Variants in SPAG16 observed in about 807,000 individuals in gnomAD.
SPAG16 encodes the protein sperm-associated antigen 16 protein.
A neutral mutation model predicts 80.4 loss-of-function variants in SPAG16; 86 were observed. The ratio of observed to expected loss-of-function variants is 1.07; its 90% CI spans 0.90 to 1.28. The LOEUF is 1.28. Among genes scored for constraint, SPAG16 ranks in the 50% most tolerant of loss-of-function variants. The pLI is 0.00. For missense variants in SPAG16, 870 were observed against 765.3 expected (o/e 1.14, Z -1.61); for synonymous variants, 294 against 265.9 (o/e 1.11, Z -1.03).
chr2:213,849,001 G>C (rs749937637), intron 10 of SPAG16, among the ~76,000 whole-genome samples: 1 of 152,008 alleles, frequency 6.6e-6, no homozygotes, highest in Non-Finnish European at 1.5e-5. Flanking sequence ...AACCTTATGG[G>C]TTTGTGTTGC....
At chr2:214,212,222 G>A (rs1444192036) in intron 15 of SPAG16, among the ~76,000 whole-genome samples, 2 of 151,732 alleles carry the variant, frequency 1.3e-5, no homozygotes, top group African/African-American at 4.8e-5. Context: ...CTGTCTTGCT[G>A]TTCCTCAGAC....
intron 10 of SPAG16, among the ~76,000 whole-genome samples, chr2:213,685,647 G>C (rs1559375321): frequency 6.6e-6 from 1 of 152,226 alleles, no homozygotes; most frequent in Non-Finnish European, 1.5e-5. Flanking sequence ...TCTGAAGAGA[G>C]GATAGAACAA....
At chr2:213,743,501 T>C (rs1370638224) in intron 10 of SPAG16, among the ~76,000 whole-genome samples, 1 of 143,260 alleles carries the variant, frequency 7.0e-6, no homozygotes, top group African/African-American at 2.5e-5. Context: ...TCTTATTTCA[T>C]CCTAAAAAAT....
At chr2:213,949,179 T>TTTTTTTTTG (rs1553677666) in intron 12 of SPAG16, among the ~76,000 whole-genome samples, 1 of 36,244 alleles carries the variant, frequency 2.8e-5, no homozygotes, top group Non-Finnish European at 5.5e-5. Context: ...GTTTTTTTTT[T>TTTTTTTTTG]TTTTTTTTTT....
chr2:214,369,067 T>C (rs567611486), intron 15 of SPAG16, among the ~76,000 whole-genome samples: 3 of 152,218 alleles, frequency 2.0e-5, no homozygotes, highest in Non-Finnish European at 2.9e-5. Context: ...TGTATATATA[T>C]ATTCTCATTT....
intron 10 of SPAG16, among the ~76,000 whole-genome samples, chr2:213,553,844 G>A (rs2059337162): frequency 6.6e-6 from 1 of 152,100 alleles, no homozygotes; most frequent in Middle Eastern, 3.2e-3. Context: ...TCTAACCTCA[G>A]GGCCATTTTA....
At chr2:214,363,999 TA>T (rs1249135356) in intron 15 of SPAG16, among the ~76,000 whole-genome samples, 2 of 152,110 alleles carry the variant, frequency 1.3e-5, no homozygotes, top group African/African-American at 4.8e-5. Context: ...GGCTCCGTTT[TA>T]CAACCCAGAC....
chr2:214,058,763 C>T (rs147139880), intron 13 of SPAG16, among the ~76,000 whole-genome samples: 1 of 152,046 alleles, frequency 6.6e-6, no homozygotes, highest in Non-Finnish European at 1.5e-5. Context: ...GGAAAACAAA[C>T]AATATATTTA....
intron 11 of SPAG16, among the ~76,000 whole-genome samples, chr2:213,895,873 G>C (rs1387406480): frequency 6.6e-6 from 1 of 151,830 alleles, no homozygotes; most frequent in East Asian, 1.9e-4. Context: ...TCTGGACAAA[G>C]ATTTTGTGTT....
At chr2:213,774,393 A>G (rs531423366) in intron 10 of SPAG16, among the ~76,000 whole-genome samples, 1 of 152,192 alleles carries the variant, frequency 6.6e-6, no homozygotes, top group South Asian at 2.1e-4. Context: ...TGTCTTGTAG[A>G]TGCATCACTC....
At chr2:213,305,056 A>C (rs1235361261) in intron 3 of SPAG16, among the ~76,000 whole-genome samples, 1 of 152,078 alleles carries the variant, frequency 6.6e-6, no homozygotes, top group African/African-American at 2.4e-5. Context: ...TTCTTTCATC[A>C]GTATTTTATA....
chr2:214,047,477 G>A (rs889344288), intron 13 of SPAG16, among the ~76,000 whole-genome samples: 2 of 152,052 alleles, frequency 1.3e-5, no homozygotes, highest in East Asian at 1.9e-4. Context: ...TGCTGGAAAA[G>A]CAGGATATCC....
intron 15 of SPAG16, among the ~76,000 whole-genome samples, chr2:214,337,310 A>G (rs1273370644): frequency 6.6e-6 from 1 of 152,222 alleles, no homozygotes; most frequent in Admixed American, 6.5e-5. Context: ...TCCACTCCCT[A>G]GAATCTTAAC....
chr2:214,389,120 T>C (rs1700922173), intron 15 of SPAG16, among the ~76,000 whole-genome samples: 1 of 152,274 alleles, frequency 6.6e-6, no homozygotes, highest in East Asian at 1.9e-4. Flanking sequence ...CAAAGGCATA[T>C]GTAACCCACA....
chr2:213,581,640 A>G (rs1013376280), intron 10 of SPAG16, among the ~76,000 whole-genome samples: 8 of 152,154 alleles, frequency 5.3e-5, no homozygotes, highest in Non-Finnish European at 1.0e-4. Flanking sequence ...CATTCCCAGT[A>G]CAATTAGAGC....
At chr2:213,820,610 T>G (rs1266131334) in intron 10 of SPAG16, among the ~76,000 whole-genome samples, 1 of 152,152 alleles carries the variant, frequency 6.6e-6, no homozygotes, top group Non-Finnish European at 1.5e-5. Context: ...ATTTTATGTC[T>G]GCATTTGTTT....
intron 15 of SPAG16, among the ~76,000 whole-genome samples, chr2:214,251,965 T>C (rs1690322108): frequency 6.6e-6 from 1 of 152,150 alleles, no homozygotes; most frequent in Non-Finnish European, 1.5e-5. Context: ...AGACTAATAA[T>C]CTTAAATGAA....
At chr2:214,048,233 C>A (rs923996035) in intron 13 of SPAG16, among the ~76,000 whole-genome samples, 5 of 152,250 alleles carry the variant, frequency 3.3e-5, no homozygotes, top group Middle Eastern at 6.8e-3. Context: ...AGAGGAGATA[C>A]CTGCACTTCC....
At chr2:213,861,502 T>C (rs1285503645) in intron 10 of SPAG16, among the ~76,000 whole-genome samples, 2 of 152,180 alleles carry the variant, frequency 1.3e-5, no homozygotes, top group African/African-American at 2.4e-5. Context: ...TCATATGTCT[T>C]ACCGCACCAC....
Sources: allele counts gnomAD v4.1 joint callset (sites outside exome capture counted in the v4.1 genomes callset), GRCh38; gene constraint gnomAD v4.1.1; transcripts MANE v1.5; gene names NCBI Gene and HGNC (gene_info 2026-07-23, HGNC 2026-07-21).